COL6A6: variants seen among roughly 807,000 people sequenced by gnomAD.
The protein encoded by COL6A6 is collagen alpha-6(VI) chain.
Under a neutral mutation model 208.6 loss-of-function variants are expected in COL6A6, and 183 were observed. The observed-to-expected ratio is 0.88, with a 90% CI of 0.78 to 0.99. The LOEUF (loss-of-function observed/expected upper bound fraction) is 0.99, where lower values mean the gene tolerates loss of function less well. COL6A6 is among the 50% of genes least tolerant of loss of function. The probability of loss-of-function intolerance (pLI) is 0.00; values close to 1 mark genes in which losing one functional copy is unlikely to be tolerated. For synonymous variants in COL6A6, 973 were observed against 1,011.8 expected (o/e 0.96, Z 0.73); for missense variants, 2,816 against 2,815.2 (o/e 1.00, Z -0.01).
chr3:130,550,300 T>C (rs1052512458), intron 1 of COL6A6, among the ~76,000 whole-genome samples: 1 of 152,214 alleles, frequency 6.6e-6, no homozygotes, highest in African/African-American at 2.4e-5. Flanking sequence ...TTTATTTCTT[T>C]CTCTTGCCTG....
chr3:130,555,409 T>G (rs1210715985), intron 1 of COL6A6, among the ~76,000 whole-genome samples: 2 of 152,198 alleles, frequency 1.3e-5, no homozygotes, highest in Non-Finnish European at 1.5e-5. Context: ...CCATTCTCAA[T>G]GCCTTTGCTC....
intron 3 of COL6A6, among the ~76,000 whole-genome samples, chr3:130,564,325 A>G (rs2062965581): frequency 6.6e-6 from 1 of 152,092 alleles, no homozygotes. Flanking sequence ...CTCTTGTACT[A>G]CTCTAGTAAC....
chr3:130,613,930 T>A (rs1382236082), intron 23 of COL6A6, among the ~76,000 whole-genome samples: 8 of 152,150 alleles, frequency 5.3e-5, no homozygotes, highest in African/African-American at 1.9e-4. Context: ...GACTACTGGG[T>A]TTTTTAGATA....
chr3:130,642,812 T>G lies in COL6A6; in HGVS notation c.5155-20T>G, dbSNP rs1408285735. The G allele has an allele frequency of 6.2e-7, 1 of 1,608,838 alleles. No homozygotes were observed. Among genetic ancestry groups the G allele is most frequent in the Non-Finnish European group, 8.5e-7 (1 of 1,175,812 alleles). ...TGTATGTCTAGAGGCATTAAAACAA[T>G]GTTTTGTTTGTTTTCCTAGGGTGTG... On this transcript the variant is annotated intron_variant, in intron 29 of 36. Coordinates refer to ENST00000358511, the MANE Select transcript of COL6A6 (RefSeq NM_001102608.3).
intron 24 of COL6A6, among the ~76,000 whole-genome samples, chr3:130,625,481 G>A (rs1251177798): frequency 1.3e-5 from 2 of 152,116 alleles, no homozygotes; most frequent in African/African-American, 4.8e-5. Context: ...ATGTCATGTT[G>A]ATTGTATATA....
At chr3:130,572,292 A>G (rs1432997648) in intron 7 of COL6A6, among the ~76,000 whole-genome samples, 1 of 152,124 alleles carries the variant, frequency 6.6e-6, no homozygotes. Context: ...GCATGTATGT[A>G]TGTATTCCTT....
Position 130,532,111 on chromosome 3 carries a change from T to G in COL6A6, c.-32+14714T>G, listed in dbSNP as rs996908343. 2.0e-5 allele frequency among the ~76,000 whole-genome samples: 3 copies of G among 152,326 alleles called. No homozygotes were observed. In the East Asian group the frequency reaches 5.8e-4, roughly 29 times the overall value. On this transcript the variant is annotated intron_variant, in intron 1 of 36. Coordinates refer to ENST00000358511, the MANE Select transcript of COL6A6 (RefSeq NM_001102608.3). Reference sequence around the variant, plus strand: ...AAATAGGATCTTTTCTGTGTCCTTCTGAGATTAATATATAAATAACCTAAT... The same window carrying G: ...AAATAGGATCTTTTCTGTGTCCTTCGGAGATTAATATATAAATAACCTAAT...
intron 1 of COL6A6, among the ~76,000 whole-genome samples, chr3:130,543,553 T>C (rs2062424146): frequency 6.6e-6 from 1 of 152,216 alleles, no homozygotes; most frequent in African/African-American, 2.4e-5. Context: ...GAGTATACGA[T>C]ATACATTGCA....
At chr3:130,611,683 A>G (rs1021449912) in intron 23 of COL6A6, among the ~76,000 whole-genome samples, 2 of 152,222 alleles carry the variant, frequency 1.3e-5, no homozygotes, top group Non-Finnish European at 2.9e-5. Context: ...CGTTAGTTGA[A>G]CCAGGCAGTC....
intron 28 of COL6A6, among the ~76,000 whole-genome samples, chr3:130,639,613 G>T (rs1442354831): frequency 6.6e-6 from 1 of 150,818 alleles, no homozygotes; most frequent in African/African-American, 2.4e-5. Context: ...GATCACCTGA[G>T]CCCAGAAAGT....
At chr3:130,582,456 AAC>A (rs576797535) in intron 10 of COL6A6, among the ~76,000 whole-genome samples, 41 of 152,236 alleles carry the variant, frequency 2.7e-4, no homozygotes, top group South Asian at 1.7e-3. Context: ...GTTTTCTTCT[AAC>A]ACTCTTAAAG....
intron 23 of COL6A6, among the ~76,000 whole-genome samples, chr3:130,616,514 G>T (rs1488122566): frequency 7.7e-6 from 1 of 130,010 alleles, no homozygotes; most frequent in Non-Finnish European, 1.6e-5. Flanking sequence ...TCCCCCTTTG[G>T]TTTACCTTAA....
chr3:130,595,823 A>G (rs1410531572), intron 18 of COL6A6, among the ~76,000 whole-genome samples: 1 of 152,148 alleles, frequency 6.6e-6, no homozygotes, highest in African/African-American at 2.4e-5. Flanking sequence ...ATATTTTAAG[A>G]GTAGAATTTC....
intron 8 of COL6A6, among the ~76,000 whole-genome samples, chr3:130,578,371 C>T (rs1241262504): frequency 1.3e-5 from 2 of 152,252 alleles, no homozygotes; most frequent in East Asian, 1.9e-4. Context: ...TCTGGGTTCT[C>T]CAGAAAACAG....
chr3:130,617,264 A>G (rs1291189360), intron 23 of COL6A6, among the ~76,000 whole-genome samples: 3 of 152,170 alleles, frequency 2.0e-5, no homozygotes, highest in Non-Finnish European at 4.4e-5. Flanking sequence ...AGCCTCACGT[A>G]TACCCAATCT....
chr3:130,641,751 T>C, intron 29 of COL6A6, 37 bp downstream of exon 29: 1 of 1,301,866 alleles, frequency 7.7e-7, no homozygotes, highest in South Asian at 1.3e-5. Flanking sequence ...CAGGTCCTTT[T>C]CCATTAAAAA....
At chr3:130,644,448 C>T (rs979674360) in intron 31 of COL6A6, among the ~76,000 whole-genome samples, 2 of 152,104 alleles carry the variant, frequency 1.3e-5, no homozygotes, top group African/African-American at 2.4e-5. Context: ...TTGTGGCTGC[C>T]ATGTTGAACA....
At chr3:130,551,806 C>T (rs189542740) in intron 1 of COL6A6, among the ~76,000 whole-genome samples, 2 of 152,102 alleles carry the variant, frequency 1.3e-5, no homozygotes, top group Non-Finnish European at 2.9e-5. Flanking sequence ...GTGCTATAAA[C>T]CTCCCTCTTA....
rs2066345375 is a variant in COL6A6, at chr3:130,675,808, T to C, written c.*411T>C. The C allele has an allele frequency of 6.5e-6, 1 of 153,880 alleles. No homozygotes were observed. The highest frequency in any genetic ancestry group is 2.1e-4 in the South Asian group (1 of 4,854). The allele number at this position is 153,880 out of a possible 1,614,324, so 9.5% of individuals were successfully genotyped here. A position where few individuals can be genotyped will look rare whatever the true frequency, so the allele number is the denominator to read the frequency against. On this transcript the variant is annotated 3_prime_UTR_variant, in exon 37 of 37. Coordinates refer to ENST00000358511, the MANE Select transcript of COL6A6 (RefSeq NM_001102608.3). Reference sequence around the variant, plus strand: ...TAATGCTCATCTATTTAGTCAAAGTTATTTTTTAATGTTTTAAGCTACTCC... The same window carrying C: ...TAATGCTCATCTATTTAGTCAAAGTCATTTTTTAATGTTTTAAGCTACTCC...
Sources: gnomAD v4.1 joint callset for allele counts (sites outside exome capture counted in the v4.1 genomes callset) on GRCh38, gnomAD v4.1.1 for gene constraint, MANE v1.5 for transcripts, NCBI Gene and HGNC (gene_info 2026-07-23, HGNC 2026-07-21) for gene names.